Variants in LTBP1 observed in about 807,000 individuals in gnomAD.
The protein encoded by LTBP1 is latent-transforming growth factor beta-binding protein 1.
Under a neutral mutation model 207.6 loss-of-function variants are expected in LTBP1, and 129 were observed. The observed-to-expected ratio is 0.62, with a 90% CI of 0.54 to 0.72. The LOEUF (loss-of-function observed/expected upper bound fraction) is 0.72. Ranked by LOEUF, LTBP1 falls within the 30% of genes least tolerant of loss-of-function variation. LTBP1 has a pLI of 0.00. For missense variants in LTBP1, 2,281 were observed against 2,217.2 expected (o/e 1.03, Z -0.58); for synonymous variants, 963 against 833.7 (o/e 1.16, Z -2.67).
Position 33,252,010 on chromosome 2 carries a change from G to A in LTBP1, c.2000-667G>A, listed in dbSNP as rs143847220. 2.6e-5 allele frequency among the ~76,000 whole-genome samples: 4 copies of A among 152,286 alleles called. No homozygotes were observed. The East Asian group carries it at 7.7e-4, about 29-fold the overall frequency. On this transcript the variant is annotated intron_variant, in intron 10 of 33. Transcript: ENST00000404816. ...GCAGAAGATGAGGATTAAAGTTTAG[G>A]TATTGGATGGCTATAGCCTTGTATA... is the stretch of plus-strand genomic sequence containing the variant.
chr2:33,133,527 A>G (rs1197556947), intron 4 of LTBP1, among the ~76,000 whole-genome samples: 2 of 152,206 alleles, frequency 1.3e-5, no homozygotes, highest in East Asian at 3.8e-4. Flanking sequence ...CAGATGTAGC[A>G]ATCAAAACAG....
At chr2:33,303,086 C>T (rs954310841) in intron 22 of LTBP1, among the ~76,000 whole-genome samples, 3 of 151,884 alleles carry the variant, frequency 2.0e-5, no homozygotes, top group East Asian at 1.9e-4. Context: ...GTTTTAGGAA[C>T]TCTCTAATAT....
chr2:33,160,456 C>G (rs1246598736), intron 5 of LTBP1, among the ~76,000 whole-genome samples: 2 of 152,170 alleles, frequency 1.3e-5, no homozygotes, highest in Non-Finnish European at 2.9e-5. Context: ...GTGGCCCTTC[C>G]AGGAGCTTGA....
chr2:33,141,106 G>T (rs1012960156), intron 5 of LTBP1, among the ~76,000 whole-genome samples: 1 of 152,220 alleles, frequency 6.6e-6, no homozygotes, highest in African/African-American at 2.4e-5. Flanking sequence ...CTAAATAAAA[G>T]TCCTTGCCCT....
chr2:33,286,392 C>T (rs887237401), intron 19 of LTBP1, among the ~76,000 whole-genome samples: 1 of 152,194 alleles, frequency 6.6e-6, no homozygotes, highest in Non-Finnish European at 1.5e-5. Flanking sequence ...TCTTTTCACA[C>T]TAGGCTTTAT....
At chr2:33,061,154 G>T (rs952939738) in intron 3 of LTBP1, among the ~76,000 whole-genome samples, 10 of 151,982 alleles carry the variant, frequency 6.6e-5, no homozygotes, top group African/African-American at 2.4e-4. Context: ...CAAATATGGT[G>T]GGTTTTAAAA....
chr2:33,178,574 A>G (rs1319947970), intron 5 of LTBP1, among the ~76,000 whole-genome samples: 2 of 152,136 alleles, frequency 1.3e-5, no homozygotes, highest in East Asian at 3.9e-4. Flanking sequence ...GATCTTTTCT[A>G]CTTGTTGAAA....
chr2:33,268,340 T>A (rs2093235300), intron 15 of LTBP1, among the ~76,000 whole-genome samples: 1 of 152,236 alleles, frequency 6.6e-6, no homozygotes, highest in Admixed American at 6.5e-5. Flanking sequence ...TTTGTTACTG[T>A]TAGTTTCTCC....
chr2:33,398,642 G>T lies in LTBP1; in HGVS notation c.*97G>T, dbSNP rs975033629. The T allele has an allele frequency of 1.4e-5, 17 of 1,233,728 alleles. No individual in the cohort carries two copies. The highest frequency in any genetic ancestry group is 1.9e-5 in the Non-Finnish European group (17 of 905,208). 76.4% of individuals were successfully genotyped at this position (1,233,728 alleles called of 1,614,324 possible). The stretch of plus-strand genomic sequence containing the variant: ...TGAGACATTGCACCTACCCCGGAAG[G>T]CTGGAAATACAGAAACAGCATGGAA... On this transcript the variant is annotated 3_prime_UTR_variant, in exon 34 of 34. Coordinates refer to ENST00000404816, the MANE Select transcript of LTBP1 (RefSeq NM_206943.4).
intron 18 of LTBP1, among the ~76,000 whole-genome samples, chr2:33,278,170 T>C (rs2093485578): frequency 6.6e-6 from 1 of 151,700 alleles, no homozygotes; most frequent in African/African-American, 2.4e-5. Flanking sequence ...GGGTCAAGAA[T>C]GGAAAGATAA....
intron 32 of LTBP1, among the ~76,000 whole-genome samples, chr2:33,390,612 C>T (rs747098416): frequency 3.9e-5 from 6 of 151,988 alleles, no homozygotes; most frequent in Non-Finnish European, 7.4e-5. Flanking sequence ...CCCAGTCTCC[C>T]GAGAAGCTGG....
At chr2:32,976,080 G>A (rs1276270624) in intron 2 of LTBP1, among the ~76,000 whole-genome samples, 3 of 151,956 alleles carry the variant, frequency 2.0e-5, no homozygotes, top group Non-Finnish European at 4.4e-5. Context: ...GAGTTTTTTT[G>A]CTTTTATCTT....
intron 5 of LTBP1, among the ~76,000 whole-genome samples, chr2:33,151,821 TTTTGTGTGTGTGTGTGTGTGTG>T (rs1362354208): frequency 2.5e-4 from 35 of 140,844 alleles, no homozygotes; most frequent in African/African-American, 4.8e-4. Flanking sequence ...TAGTATTCCA[TTTTGTGTGTGTGTGTGTGTGTG>T]TGTGTGTGTG....
Position 33,209,309 on chromosome 2 carries a change from G to A in LTBP1, c.1702-8243G>A, listed in dbSNP as rs1056450831. Among the ~76,000 whole-genome samples the A allele has an allele frequency of 2.0e-5, 3 of 152,180 alleles. No individual in the cohort carries two copies. The East Asian group carries it at 5.8e-4, about 29-fold the overall frequency. On this transcript the variant is annotated intron_variant, in intron 7 of 33. Transcript: ENST00000404816. ...TGACTTAGTTAGAGAGTCGCATGCT[G>A]TGTGGTGTTTTGTGATTGGGCCATG...
chr2:33,244,752 G>A (rs2092452226), intron 10 of LTBP1, among the ~76,000 whole-genome samples: 4 of 152,156 alleles, frequency 2.6e-5, no homozygotes, highest in African/African-American at 9.7e-5. Context: ...TTGTAGCACT[G>A]CAGATTTTTA....
intron 2 of LTBP1, among the ~76,000 whole-genome samples, chr2:32,994,626 C>G (rs989415148): frequency 1.3e-4 from 20 of 152,058 alleles, no homozygotes; most frequent in Non-Finnish European, 2.8e-4. Flanking sequence ...GCCACCATGC[C>G]TGGATAATTT....
intron 26 of LTBP1, among the ~76,000 whole-genome samples, chr2:33,347,809 A>G (rs1269929433): frequency 6.6e-6 from 1 of 152,184 alleles, no homozygotes; most frequent in Non-Finnish European, 1.5e-5. Flanking sequence ...AAACTTAGAG[A>G]GCTATCAGCT....
intron 2 of LTBP1, among the ~76,000 whole-genome samples, chr2:32,958,114 A>T (rs1210258670): frequency 6.6e-6 from 1 of 152,202 alleles, no homozygotes; most frequent in Non-Finnish European, 1.5e-5. Flanking sequence ...GAATTAGAAT[A>T]CGGAGCTCCT....
chr2:33,179,398 A>G (rs1178014115), intron 5 of LTBP1, among the ~76,000 whole-genome samples: 1 of 152,184 alleles, frequency 6.6e-6, no homozygotes, highest in Non-Finnish European at 1.5e-5. Flanking sequence ...CTTCATTATA[A>G]AAGAATGAAA....
Sources: gnomAD v4.1 joint callset for allele counts (sites outside exome capture counted in the v4.1 genomes callset) on GRCh38, gnomAD v4.1.1 for gene constraint, MANE v1.5 for transcripts, NCBI Gene and HGNC (gene_info 2026-07-23, HGNC 2026-07-21) for gene names.